The following CFAP97 variants were observed in gnomAD, a reference collection of about 807,000 sequenced individuals.
The protein encoded by CFAP97 is cilia and flagella associated protein 97, also known as cilia- and flagella-associated protein 97.
A neutral mutation model predicts 43.1 loss-of-function variants in CFAP97; 36 were observed. The observed-to-expected ratio is 0.84, with a 90% CI of 0.64 to 1.10. The LOEUF (loss-of-function observed/expected upper bound fraction) is 1.10. CFAP97 is among the 50% of genes least tolerant of loss of function. The pLI is 0.00. For missense variants in CFAP97, 657 were observed against 620.3 expected (o/e 1.06, Z -0.63); for synonymous variants, 228 against 225.7 (o/e 1.01, Z -0.09).
At chr4:185,164,824 T>C (rs1186498694) in intron 3 of CFAP97, among the ~76,000 whole-genome samples, 1 of 152,206 alleles carries the variant, frequency 6.6e-6, no homozygotes, top group African/African-American at 2.4e-5. Context: ...CATGATGTAA[T>C]AGGAGTTATA....
chr4:185,210,188 A>C (rs4323150), upstream of CFAP97: 11,025 of 984,572 alleles, frequency 0.011, 783 homozygotes, highest in African/African-American at 0.16. This position sits in a 1 kb window ranked among gnomAD's most constrained non-coding sequence, Gnocchi z 4.4. Flanking sequence ...CCGCGCGCCC[A>C]GCCGCCCGAC....
intron 3 of CFAP97, chr4:185,170,151 C>G: frequency 1.4e-6 from 1 of 729,398 alleles, no homozygotes; most frequent in Non-Finnish European, 2.0e-6. Flanking sequence ...AGTTTGAGAC[C>G]AGCCTGGCTA....
chr4:185,199,976 G>A (rs1230629830), intron 1 of CFAP97, among the ~76,000 whole-genome samples: 2 of 152,182 alleles, frequency 1.3e-5, no homozygotes, highest in African/African-American at 4.8e-5. Flanking sequence ...CAAATTTCAA[G>A]TCTTACTTTT....
chr4:185,177,865 A>G (rs994039875), intron 2 of CFAP97, among the ~76,000 whole-genome samples: 1 of 152,134 alleles, frequency 6.6e-6, no homozygotes. Context: ...TAAATAAAAA[A>G]TAAATAAAGT....
At chr4:185,184,006 T>C (rs544159217) in intron 2 of CFAP97, among the ~76,000 whole-genome samples, 72 of 152,360 alleles carry the variant, frequency 4.7e-4, no homozygotes, top group Non-Finnish European at 8.7e-4. Context: ...TAAAAATATT[T>C]AGGTTCTCTA....
rs74575120 is a variant in CFAP97 at position 185,198,932 on chromosome 4, G to A, written c.-17+4966C>T. 5.2e-3 allele frequency among the ~76,000 whole-genome samples: 793 copies of A among 152,328 alleles called. 5 individuals are homozygous for A. Among genetic ancestry groups the A allele is most frequent in the African/African-American group, 0.018 (729 of 41,566 alleles). Reference sequence around the variant, plus strand: ...ACGAAACAGCCTTCCATTGGAAAAGGATGCTAACCATCTAGGATTTTCATA... The same window carrying A: ...ACGAAACAGCCTTCCATTGGAAAAGAATGCTAACCATCTAGGATTTTCATA... On this transcript the variant is annotated intron_variant, in intron 1 of 4. Transcript: ENST00000458385.
At chr4:185,204,875 G>A (rs529012256), upstream of CFAP97, among the ~76,000 whole-genome samples, 6 of 152,338 alleles carry the variant, frequency 3.9e-5, no homozygotes, top group East Asian at 9.6e-4. Context: ...ACTAGAGCCT[G>A]CAAATTTTGA....
chr4:185,177,980 A>T (rs1030488415), intron 2 of CFAP97, among the ~76,000 whole-genome samples: 4 of 152,146 alleles, frequency 2.6e-5, no homozygotes, highest in Non-Finnish European at 4.4e-5. Flanking sequence ...AGAAAATTTT[A>T]AAAAATAATT....
At chr4:185,164,630 G>C (rs1373452361) in intron 3 of CFAP97, among the ~76,000 whole-genome samples, 3 of 152,044 alleles carry the variant, frequency 2.0e-5, no homozygotes, top group Non-Finnish European at 4.4e-5. Context: ...CATATCACTA[G>C]AGACAGAAAC....
intron 1 of CFAP97, among the ~76,000 whole-genome samples, chr4:185,202,010 C>T (rs997918848): frequency 6.7e-6 from 1 of 148,396 alleles, no homozygotes; most frequent in Admixed American, 6.9e-5. Flanking sequence ...GCTGCAGACC[C>T]AGCTAAAGGA....
chr4:185,162,651 G>T lies in CFAP97; in HGVS notation c.*147C>A. 1.3e-6 allele frequency: 1 copy of T among 790,738 alleles called. No homozygotes were observed. Among genetic ancestry groups the T allele is most frequent in the Non-Finnish European group, 2.0e-6 (1 of 510,530 alleles). 49.0% of individuals were successfully genotyped at this position (790,738 alleles called of 1,614,324 possible). ...TAAATCGTTTTTTGACAATAATTTT[G>T]CACTGAATAACAATACATTACAACT... On this transcript the variant is annotated 3_prime_UTR_variant, in exon 5 of 5. Coordinates refer to ENST00000458385, the MANE Select transcript of CFAP97 (RefSeq NM_020827.3).
chr4:185,170,129 C>T, intron 3 of CFAP97: 1 of 973,750 alleles, frequency 1.0e-6, no homozygotes, highest in Non-Finnish European at 1.3e-6. Context: ...AGATGGATCA[C>T]TTGAGGTCAG....
At chr4:185,194,868 C>T (rs912879715) in intron 1 of CFAP97, among the ~76,000 whole-genome samples, 1 of 152,182 alleles carries the variant, frequency 6.6e-6, no homozygotes, top group Non-Finnish European at 1.5e-5. Flanking sequence ...AGTTCCATTA[C>T]TGTTACCATA....
chr4:185,195,225 A>T (rs938916832), intron 1 of CFAP97, among the ~76,000 whole-genome samples: 1 of 152,358 alleles, frequency 6.6e-6, no homozygotes, highest in African/African-American at 2.4e-5. Flanking sequence ...ACCATGGCTC[A>T]TGACTGTAAT....
At chr4:185,163,975 TA>T (rs1452896339) in intron 4 of CFAP97, 53 bp downstream of exon 4, 10 of 1,519,274 alleles carry the variant, frequency 6.6e-6, no homozygotes, top group South Asian at 2.4e-5. Context: ...TACGTTTTTT[TA>T]AAAAAAGGAT....
At chr4:185,169,993 A>C (rs1735231115) in intron 3 of CFAP97, 2 of 1,091,752 alleles carry the variant, frequency 1.8e-6, no homozygotes, top group Non-Finnish European at 2.2e-6. Context: ...ACTTGCTATA[A>C]ATCATTTTTG....
In CFAP97 at chr4:185,161,050, CTT is replaced by C. The variant is rs1212802116; in HGVS notation, c.*1746_*1747del. ...TAAAATTCAGCATTATCTTCTCTCT[CTT>C]GAAATATAGGTTATATAAACAGTAA... On this transcript the variant is annotated 3_prime_UTR_variant, in exon 5 of 5. Coordinates refer to ENST00000458385, the MANE Select transcript of CFAP97 (RefSeq NM_020827.3). 6.6e-6 allele frequency: 1 copy of C among 151,812 alleles called. No homozygotes were observed. Among genetic ancestry groups the C allele is most frequent in the East Asian group, 1.9e-4 (1 of 5,176 alleles). The allele number at this position is 151,812 out of a possible 1,614,324, so 9.4% of individuals were successfully genotyped here.
chr4:185,200,640 C>CA (rs541601995), intron 1 of CFAP97, among the ~76,000 whole-genome samples: 19,247 of 139,464 alleles, frequency 0.14, 1,258 homozygotes, highest in South Asian at 0.16. Flanking sequence ...GATTCTGTCT[C>CA]AAAAAAAAAA....
chr4:185,199,661 C>T (rs1736735595), intron 1 of CFAP97, among the ~76,000 whole-genome samples: 1 of 152,030 alleles, frequency 6.6e-6, no homozygotes, highest in African/African-American at 2.4e-5. Flanking sequence ...GGCAGCAAGA[C>T]TCTGTCCAAA....
Sources: allele counts gnomAD v4.1 joint callset (sites outside exome capture counted in the v4.1 genomes callset), GRCh38; gene constraint gnomAD v4.1.1; non-coding constraint Gnocchi (gnomAD v3.1); transcripts MANE v1.5; gene names NCBI Gene and HGNC (gene_info 2026-07-23, HGNC 2026-07-21).